The following MMEL1 variants were observed in gnomAD, a reference collection of about 807,000 sequenced individuals.
The protein encoded by MMEL1 is membrane metallo-endopeptidase-like 1.
In MMEL1, 98 loss-of-function variants were observed where a neutral mutation model predicts 117.1. The ratio of observed to expected loss-of-function variants is 0.84; its 90% CI spans 0.71 to 0.99. The LOEUF is 0.99. Among genes scored for constraint, MMEL1 ranks in the 50% least tolerant of loss-of-function variants. MMEL1 has a pLI of 0.00. For synonymous variants in MMEL1, 390 were observed against 415.1 expected (o/e 0.94, Z 0.74); for missense variants, 1,014 against 1,049.1 (o/e 0.97, Z 0.46).
intron 10 of MMEL1, 50 bp downstream of exon 10, chr1:2,604,097 G>C: frequency 6.4e-7 from 1 of 1,574,572 alleles, no homozygotes; most frequent in Non-Finnish European, 8.7e-7. Flanking sequence ...CACCGCCTGG[G>C]GCTCCCAGCC....
chr1:2,627,923 C>A (rs1413685975), intron 2 of MMEL1, among the ~76,000 whole-genome samples: 3 of 152,128 alleles, frequency 2.0e-5, no homozygotes, highest in African/African-American at 4.8e-5. Context: ...TTGCTGAGAT[C>A]CATGGCACCG....
chr1:2,609,332 C>T lies in MMEL1; in HGVS notation c.535+7G>A, dbSNP rs1390392311. On this transcript the variant is annotated splice_region_variant and intron_variant, in intron 6 of 23. Coordinates refer to ENST00000378412, the MANE Select transcript of MMEL1 (RefSeq NM_033467.4). ...GCCTCGGCCCCTTCCTGGCGGCCCC[C>T]ACTCACTCTGGTTCATGCAGGAGCG... 5.6e-6 allele frequency: 9 copies of T among 1,609,644 alleles called. No individual in the cohort carries two copies. Among genetic ancestry groups the T allele is most frequent in the Non-Finnish European group, 7.6e-6 (9 of 1,178,476 alleles).
Position 2,603,920 on chromosome 1 carries a change from C to T in MMEL1, c.1005G>A (p.Met335Ile). The T allele has an allele frequency of 6.2e-7, 1 of 1,613,942 alleles. No homozygotes were observed. Among genetic ancestry groups the T allele is most frequent in the Non-Finnish European group, 8.5e-7 (1 of 1,180,002 alleles). Residue 335 changes from methionine (M) to isoleucine (I), a missense_variant, in exon 11 of 24, where the codon ATG becomes ATA. Transcript: ENST00000378412. ...RHDVIALYHR[M>I]GLEELQSQFG... ...ACTGGCTTTGCAGCTCCTCCAGTCC[C>T]ATCCGGTGGTACAAGGCGATGACGT...
chr1:2,609,593 A>G (rs1235781274), intron 5 of MMEL1, 77 bp downstream of exon 5: 10 of 1,552,318 alleles, frequency 6.4e-6, no homozygotes, highest in African/African-American at 1.4e-5. Flanking sequence ...GGGGCGAGAC[A>G]CAGCCAGGAC....
At position 2,596,685 on chromosome 1, in the gene MMEL1, A is replaced by G. The variant is rs140870456; in HGVS notation, c.1277T>C (p.Leu426Pro). 3.1e-6 allele frequency: 5 copies of G among 1,612,484 alleles called. No homozygotes were observed. Among genetic ancestry groups the G allele is most frequent in the Non-Finnish European group, 2.5e-6 (3 of 1,179,772 alleles). The change falls in exon 14 of 24, where the codon CTG (leucine) becomes CCG (proline). Residue 426 changes from leucine (L) to proline (P), a missense_variant. By Grantham distance (98) the Leu-to-Pro change is moderately conservative. Transcript: ENST00000378412. ...CACCTCCTCCACCATTGTGCCAAAC[A>G]GCGCCTGGTGGGGCCACCCGATCAT... ...KDTRVNYRKA[L>P]FGTMVEEVRW... is the part of the protein sequence containing the mutation.
intron 7 of MMEL1, among the ~76,000 whole-genome samples, chr1:2,606,607 C>T (rs1645033007): frequency 6.6e-6 from 1 of 152,182 alleles, no homozygotes; most frequent in South Asian, 2.1e-4. Flanking sequence ...GGGCTGCCAG[C>T]CACGTGAGGT....
chr1:2,624,855 G>T (rs1205666258), intron 2 of MMEL1, among the ~76,000 whole-genome samples: 1 of 152,164 alleles, frequency 6.6e-6, no homozygotes, highest in African/African-American at 2.4e-5. Flanking sequence ...AGCGTGGCTA[G>T]GACGCCTGAG....
chr1:2,591,143 C>A, intron 23 of MMEL1, 54 bp from the exon 24 acceptor site: 1 of 1,291,110 alleles, frequency 7.7e-7, no homozygotes, highest in Non-Finnish European at 1.1e-6. Flanking sequence ...ACAAACATGG[C>A]CATTTTAAGT....
At chr1:2,625,432 G>A (rs1638232787) in intron 2 of MMEL1, among the ~76,000 whole-genome samples, 2 of 152,228 alleles carry the variant, frequency 1.3e-5, no homozygotes, top group Non-Finnish European at 2.9e-5. Flanking sequence ...TGGGCAAGCT[G>A]CTCTGCCACT....
At chr1:2,613,296 T>G (rs922861181) in intron 2 of MMEL1, among the ~76,000 whole-genome samples, 1 of 152,026 alleles carries the variant, frequency 6.6e-6, no homozygotes, top group African/African-American at 2.4e-5. Flanking sequence ...AGGTGGTGAG[T>G]GCGAGCGGAA....
chr1:2,608,959 TAC>T (rs1472441586), intron 6 of MMEL1, among the ~76,000 whole-genome samples: 1 of 151,654 alleles, frequency 6.6e-6, no homozygotes, highest in African/African-American at 2.4e-5. Flanking sequence ...TACATACATA[TAC>T]ACACAACACA....
rs1314400305 is a variant in MMEL1, at chr1:2,592,698, C to G, written c.2024G>C (p.Gly675Ala). 7 of 1,611,258 alleles carry G rather than the reference C, an allele frequency of 4.3e-6. No homozygotes were observed. In the Admixed American group the frequency reaches 6.7e-5, roughly 15 times the overall value. Reference sequence around the variant, plus strand: ...CCCTCCGTTGTCAGCAATGTTTTCCCCAAGGGTGTTGAATCCGTTCACCTG... The same window carrying G: ...CCCTCCGTTGTCAGCAATGTTTTCCGCAAGGGTGTTGAATCCGTTCACCTG... The part of the protein sequence containing the change: ...EQNVNGFNTL[G>A]ENIADNGGVR... Residue 675 changes from glycine (G) to alanine (A), a missense_variant, in exon 21 of 24, where the codon GGG (glycine) becomes GCG (alanine). Coordinates refer to ENST00000378412, the MANE Select transcript of MMEL1 (RefSeq NM_033467.4).
chr1:2,593,584 C>T (rs1447927514), intron 19 of MMEL1, among the ~76,000 whole-genome samples: 1 of 152,190 alleles, frequency 6.6e-6, no homozygotes, highest in Non-Finnish European at 1.5e-5. Flanking sequence ...GAGTCAGGGT[C>T]ATGGGCTGGA....
intron 2 of MMEL1, among the ~76,000 whole-genome samples, chr1:2,627,464 A>G (rs569172986): frequency 6.6e-6 from 1 of 152,312 alleles, no homozygotes; most frequent in South Asian, 2.1e-4. Context: ...GTAGATAGAC[A>G]CCATCACTCA....
intron 2 of MMEL1, among the ~76,000 whole-genome samples, chr1:2,626,961 A>G (rs1267537427): frequency 6.6e-6 from 1 of 152,256 alleles, no homozygotes; most frequent in East Asian, 1.9e-4. Flanking sequence ...TAAAAGATAG[A>G]CAAACCCCCA....
chr1:2,611,268 G>A lies in MMEL1; in HGVS notation c.292+13C>T, dbSNP rs753784891. The A allele has an allele frequency of 6.3e-7, 1 of 1,575,594 alleles. No homozygotes were observed. The highest frequency in any genetic ancestry group is 1.2e-5 in the South Asian group (1 of 86,016). Reference sequence around the variant, plus strand: ...CTTGGGCAGGCTGTGGACGGCAAGGGGGCGGGGCTTACCTGCTATCACGCA... The same window carrying A: ...CTTGGGCAGGCTGTGGACGGCAAGGAGGCGGGGCTTACCTGCTATCACGCA... On this transcript the variant is annotated intron_variant, in intron 4 of 23. Coordinates refer to ENST00000378412, the MANE Select transcript of MMEL1 (RefSeq NM_033467.4).
chr1:2,630,442 G>A lies in MMEL1; in HGVS notation c.-37-921C>T, dbSNP rs1195166598. On this transcript the variant is annotated intron_variant, in intron 1 of 23. Coordinates refer to ENST00000378412, the MANE Select transcript of MMEL1 (RefSeq NM_033467.4). The stretch of plus-strand genomic sequence containing the variant: ...TGTGCATGTGCATGACTGCATGAGC[G>A]TGAACGTGTGTGTGCGCTCTGGTGT... 3.3e-5 allele frequency among the ~76,000 whole-genome samples: 5 copies of A among 152,216 alleles called. No individual in the cohort carries two copies. The East Asian group carries it at 5.8e-4, about 18-fold the overall frequency.
intron 19 of MMEL1, among the ~76,000 whole-genome samples, chr1:2,593,260 C>A (rs1239314194): frequency 2.6e-5 from 4 of 152,202 alleles, no homozygotes; most frequent in African/African-American, 9.6e-5. Context: ...GGTTTAAGGG[C>A]TCCTCCTGGG....
chr1:2,608,054 A>G (rs919187256), intron 6 of MMEL1, among the ~76,000 whole-genome samples: 1 of 152,072 alleles, frequency 6.6e-6, no homozygotes, highest in African/African-American at 2.4e-5. Context: ...GCCAAAAATT[A>G]AGTAAAGGCG....
Sources: gnomAD v4.1 joint callset for allele counts (sites outside exome capture counted in the v4.1 genomes callset) on GRCh38, gnomAD v4.1.1 for gene constraint, MANE v1.5 for transcripts, NCBI Gene and HGNC (gene_info 2026-07-23, HGNC 2026-07-21) for gene names.